Variants in CHRNA7 observed in about 807,000 individuals in gnomAD.
CHRNA7 encodes the protein cholinergic receptor nicotinic alpha 7 subunit, also known as neuronal acetylcholine receptor subunit alpha-7.
CHRNA7 carries 17 observed loss-of-function variants against 48.0 expected under a neutral mutation model. That is an observed-to-expected ratio of 0.35 (90% CI 0.24 to 0.53). The LOEUF (loss-of-function observed/expected upper bound fraction) is 0.53. Among genes scored for constraint, CHRNA7 ranks in the 20% least tolerant of loss-of-function variants. The pLI is 0.92. For missense variants in CHRNA7, 155 were observed against 577.7 expected (o/e 0.27, Z 7.50); for synonymous variants, 75 against 242.3 (o/e 0.31, Z 6.41).
intron 2 of CHRNA7, among the ~76,000 whole-genome samples, chr15:32,081,711 A>G (rs377542900): frequency 6.6e-6 from 1 of 152,160 alleles, no homozygotes; most frequent in South Asian, 2.1e-4. Context: ...ACCATCTCAG[A>G]CAGTTTTATA....
chr15:32,124,852 C>T (rs1297731135), intron 4 of CHRNA7, among the ~76,000 whole-genome samples: 1 of 152,158 alleles, frequency 6.6e-6, no homozygotes, highest in African/African-American at 2.4e-5. Flanking sequence ...GGGCTTTCTT[C>T]CTGTCTCTGC....
At chr15:32,054,034 G>A (rs2049740449) in intron 2 of CHRNA7, among the ~76,000 whole-genome samples, 1 of 152,204 alleles carries the variant, frequency 6.6e-6, no homozygotes, top group Non-Finnish European at 1.5e-5. Context: ...GGATAAAAGA[G>A]CCATGGTGTC....
intron 2 of CHRNA7, among the ~76,000 whole-genome samples, chr15:32,054,405 G>T (rs1159396245): frequency 2.0e-5 from 3 of 152,096 alleles, no homozygotes; most frequent in Admixed American, 6.5e-5. Context: ...AAGGTCTCTC[G>T]TAGAGAGACA....
At chr15:32,037,321 G>T (rs1332063022) in intron 2 of CHRNA7, among the ~76,000 whole-genome samples, 1 of 152,138 alleles carries the variant, frequency 6.6e-6, no homozygotes, top group Non-Finnish European at 1.5e-5. Flanking sequence ...ACACAGTCTT[G>T]ATTACTATAG....
intron 3 of CHRNA7, among the ~76,000 whole-genome samples, chr15:32,104,316 A>G (rs936998975): frequency 1.3e-5 from 2 of 151,840 alleles, no homozygotes; most frequent in Non-Finnish European, 2.9e-5. Context: ...CCCTGCCAGG[A>G]AGACTCGTCC....
chr15:32,112,116 C>G (rs1222349905), intron 4 of CHRNA7: 3 of 629,328 alleles, frequency 4.8e-6, no homozygotes, highest in Non-Finnish European at 8.7e-6. Flanking sequence ...CACACGCTGG[C>G]TAGCCTGCTA....
chr15:32,120,045 G>A (rs1317142646), intron 4 of CHRNA7, among the ~76,000 whole-genome samples: 2 of 152,150 alleles, frequency 1.3e-5, no homozygotes, highest in Non-Finnish European at 2.9e-5. Context: ...CTGGGCACTC[G>A]CCCAGTGCCA....
At chr15:32,106,261 G>A (rs1048785919) in intron 3 of CHRNA7, among the ~76,000 whole-genome samples, 4 of 152,146 alleles carry the variant, frequency 2.6e-5, no homozygotes, top group South Asian at 2.1e-4. Context: ...TTCTCCTCCC[G>A]AGTTTCATGT....
chr15:32,128,429 T>C (rs915086545), intron 4 of CHRNA7, among the ~76,000 whole-genome samples: 10 of 152,056 alleles, frequency 6.6e-5, no homozygotes, highest in African/African-American at 2.4e-4. Context: ...ATGTCCCTCT[T>C]ATTTCAATCT....
At chr15:32,063,768 A>G (rs974308728) in intron 2 of CHRNA7, among the ~76,000 whole-genome samples, 3 of 152,188 alleles carry the variant, frequency 2.0e-5, no homozygotes, top group Non-Finnish European at 4.4e-5. Flanking sequence ...CTTCATTAGC[A>G]TAACAAGGAA....
At chr15:32,086,339 G>T (rs1326933606) in intron 2 of CHRNA7, among the ~76,000 whole-genome samples, 1 of 131,472 alleles carries the variant, frequency 7.6e-6, no homozygotes, top group Non-Finnish European at 1.5e-5. Context: ...ACTGCACTCA[G>T]CCTGGGTGAC....
chr15:32,051,631 G>A (rs1184056456), intron 2 of CHRNA7, among the ~76,000 whole-genome samples: 4 of 152,150 alleles, frequency 2.6e-5, no homozygotes, highest in African/African-American at 9.7e-5. Flanking sequence ...CCCTGCTTCG[G>A]CTGGTGCATG....
intron 2 of CHRNA7, among the ~76,000 whole-genome samples, chr15:32,061,764 C>T (rs530996875): frequency 1.3e-5 from 2 of 152,210 alleles, no homozygotes; most frequent in South Asian, 4.2e-4. Context: ...GCTGAGATTG[C>T]ATCACTGCCC....
At chr15:32,055,375 A>T (rs1447515567) in intron 2 of CHRNA7, among the ~76,000 whole-genome samples, 1 of 152,130 alleles carries the variant, frequency 6.6e-6, no homozygotes, top group African/African-American at 2.4e-5. Context: ...TAAAAATAGA[A>T]ATTTATTTCT....
At chr15:32,038,386 A>G (rs1197561979) in intron 2 of CHRNA7, among the ~76,000 whole-genome samples, 1 of 141,628 alleles carries the variant, frequency 7.1e-6, no homozygotes, top group Non-Finnish European at 1.5e-5. Flanking sequence ...TCATCTATTG[A>G]TATAATCATA....
chr15:32,089,636 T>C (rs149053933), intron 2 of CHRNA7, among the ~76,000 whole-genome samples: 1 of 152,352 alleles, frequency 6.6e-6, no homozygotes, highest in Non-Finnish European at 1.5e-5. Flanking sequence ...TTTAGCATAT[T>C]TATCACATTA....
At chr15:32,107,569 C>T (rs1198600182) in intron 3 of CHRNA7, among the ~76,000 whole-genome samples, 6 of 151,918 alleles carry the variant, frequency 3.9e-5, no homozygotes, top group Non-Finnish European at 7.4e-5. Flanking sequence ...ACATGAAACT[C>T]GGGAAGAGAA....
At chr15:32,093,072 G>A (rs1009651978) in intron 2 of CHRNA7, among the ~76,000 whole-genome samples, 14 of 152,188 alleles carry the variant, frequency 9.2e-5, no homozygotes, top group African/African-American at 3.4e-4. Context: ...GATTCAGTTG[G>A]GATGATGGCT....
At chr15:32,115,744 C>T (rs1274438178) in intron 4 of CHRNA7, among the ~76,000 whole-genome samples, 1 of 152,050 alleles carries the variant, frequency 6.6e-6, no homozygotes, top group Non-Finnish European at 1.5e-5. Context: ...CTCTTAGGGG[C>T]ACCTAGCAGG....
Sources: allele counts gnomAD v4.1 joint callset (sites outside exome capture counted in the v4.1 genomes callset), GRCh38; gene constraint gnomAD v4.1.1; transcripts MANE v1.5; gene names NCBI Gene and HGNC (gene_info 2026-07-23, HGNC 2026-07-21).